The following MED13L variants were observed in gnomAD, a reference collection of about 807,000 sequenced individuals.
MED13L encodes mediator complex subunit 13L, also known as mediator of RNA polymerase II transcription subunit 13-like.
In MED13L, 7 loss-of-function variants were observed where a neutral mutation model predicts 220.9. The observed-to-expected ratio is 0.03, with a 90% CI of 0.02 to 0.06. MED13L has a LOEUF of 0.06. Among genes scored for constraint, MED13L ranks in the 10% least tolerant of loss-of-function variants. The probability of loss-of-function intolerance (pLI) is 1.00; values close to 1 mark genes in which losing one functional copy is unlikely to be tolerated. For missense variants in MED13L, 1,965 were observed against 2,760.5 expected (o/e 0.71, Z 6.46); for synonymous variants, 1,011 against 1,015.2 (o/e 1.00, Z 0.08).
At chr12:116,089,815 T>C (rs954271515) in intron 4 of MED13L, among the ~76,000 whole-genome samples, 2 of 152,162 alleles carry the variant, frequency 1.3e-5, no homozygotes, top group Non-Finnish European at 2.9e-5. Context: ...GTTACTGAGA[T>C]GCCATGAAAA....
At chr12:115,994,824 C>T (rs986499149) in intron 16 of MED13L, among the ~76,000 whole-genome samples, 8 of 152,278 alleles carry the variant, frequency 5.3e-5, no homozygotes, top group Non-Finnish European at 8.8e-5. Flanking sequence ...ACCAGCCAGG[C>T]GCTCAGGGTG....
chr12:116,121,382 GAA>G (rs1178225605), intron 2 of MED13L, among the ~76,000 whole-genome samples: 1 of 152,030 alleles, frequency 6.6e-6, no homozygotes, highest in Non-Finnish European at 1.5e-5. Flanking sequence ...GGTTCAGGGA[GAA>G]AAAAAGTCAA....
intron 17 of MED13L, among the ~76,000 whole-genome samples, chr12:115,987,587 GA>G (rs1877783044): frequency 6.6e-6 from 1 of 152,104 alleles, no homozygotes; most frequent in Admixed American, 6.5e-5. Context: ...TAAAACCATG[GA>G]AATCTGTTTC....
chr12:116,007,092 C>T (rs981079440), intron 11 of MED13L: 129 of 366,026 alleles, frequency 3.5e-4, no homozygotes, highest in Admixed American at 2.3e-4. Flanking sequence ...TTGGGTAGTT[C>T]GGAATAATAT....
intron 17 of MED13L, among the ~76,000 whole-genome samples, chr12:115,988,540 T>C (rs1190841978): frequency 6.6e-6 from 1 of 152,228 alleles, no homozygotes; most frequent in Non-Finnish European, 1.5e-5. Flanking sequence ...CTTGTATTAA[T>C]GGCTCTATCA....
intron 4 of MED13L, among the ~76,000 whole-genome samples, chr12:116,063,348 TA>T (rs1245237913): frequency 2.6e-5 from 4 of 151,830 alleles, no homozygotes; most frequent in Admixed American, 1.3e-4. Flanking sequence ...TCCTTTCCAC[TA>T]AAAATAAAAA....
intron 4 of MED13L, among the ~76,000 whole-genome samples, chr12:116,084,389 C>A (rs149410997): frequency 9.9e-4 from 150 of 152,250 alleles, no homozygotes; most frequent in Non-Finnish European, 1.9e-3. Context: ...TGGAGGGCTG[C>A]AGGTAAAGTT....
chr12:116,276,994 G>T, intron 1 of MED13L, 66 bp downstream of exon 1: 2 of 1,499,182 alleles, frequency 1.3e-6, no homozygotes, highest in Non-Finnish European at 1.8e-6. Flanking sequence ...AAGTTGGTCG[G>T]CGGCGGAGGT....
Position 115,984,352 on chromosome 12 carries a change from G to C in MED13L, c.4359C>G (p.His1453Gln), listed in dbSNP as rs1877540598. The C allele has an allele frequency of 1.2e-6, 2 of 1,614,034 alleles. No homozygotes were observed. Among genetic ancestry groups the C allele is most frequent in the Non-Finnish European group, 1.7e-6 (2 of 1,179,982 alleles). The change falls in exon 20 of 31, where the codon CAC (histidine) becomes CAG (glutamine). Residue 1453 changes from histidine to glutamine, a missense_variant. His to Gln is a conservative substitution (Grantham distance 24). This residue lies in a region of MED13L where 510 missense variants were observed against 620.4 expected (regional missense o/e 0.82). Coordinates refer to ENST00000281928, the MANE Select transcript of MED13L (RefSeq NM_015335.5). ...AVYEMCRLGQHKPICKVLRDG... is the reference protein window; with the variant it reads ...AVYEMCRLGQQKPICKVLRDG... ...CACGTAGCACTTTGCAGATGGGCTT[G>C]TGCTGCCCAAGCCTACACATCTGAT...
intron 1 of MED13L, among the ~76,000 whole-genome samples, chr12:116,250,025 TAA>T (rs71095516): frequency 7.2e-4 from 29 of 40,464 alleles, no homozygotes; most frequent in African/African-American, 2.1e-3. Flanking sequence ...CAGCATAAAC[TAA>T]AAAAAAAAAA....
At position 116,105,256 on chromosome 12, in the gene MED13L, A is replaced by G. The variant is rs117484070; in HGVS notation, c.395+6172T>C. 8.2e-3 allele frequency among the ~76,000 whole-genome samples: 1,251 copies of G among 152,348 alleles called. 11 individuals are homozygous for G. The highest frequency in any genetic ancestry group is 0.013 in the Non-Finnish European group (897 of 68,022). Reference sequence around the variant, plus strand: ...AAGTTAATCATAAATACCTAACAAAATTTCCCTAAATTGAGGACTGATAAA... The same window carrying G: ...AAGTTAATCATAAATACCTAACAAAGTTTCCCTAAATTGAGGACTGATAAA... On this transcript the variant is annotated intron_variant, in intron 3 of 30. Transcript: ENST00000281928.
chr12:116,002,633 A>G (rs1878817780), intron 14 of MED13L, among the ~76,000 whole-genome samples: 1 of 152,236 alleles, frequency 6.6e-6, no homozygotes, highest in African/African-American at 2.4e-5. Flanking sequence ...ATATTTATAA[A>G]AACAGAAACA....
Position 116,012,892 on chromosome 12 carries a change from T to C in MED13L, c.1185A>G (p.Gln395=). ...CTTCTTCAAGAGTTGGAGTTGACAT[T>C]TGGCTCCTCCTAAAAGGGTTAAAAA... The part of the protein sequence containing the change: ...ILNRTQSKRS[Q]MSTPTLEEEP... Residue 395 remains glutamine (Q), a synonymous_variant, in exon 9 of 31, where the codon CAA becomes CAG. Transcript: ENST00000281928. 1 of 1,613,200 alleles carries C rather than the reference T, an allele frequency of 6.2e-7. No homozygotes were observed. The highest frequency in any genetic ancestry group is 8.5e-7 in the Non-Finnish European group (1 of 1,179,222).
At chr12:116,148,757 T>C (rs1877787373) in intron 2 of MED13L, 1 of 161,802 alleles carries the variant, frequency 6.2e-6, no homozygotes, top group Admixed American at 6.5e-5. Context: ...AAGGAGGCTT[T>C]GCTTTAAGAA....
intron 4 of MED13L, among the ~76,000 whole-genome samples, chr12:116,076,135 G>A (rs1040149916): frequency 2.0e-5 from 3 of 151,984 alleles, no homozygotes; most frequent in Admixed American, 6.6e-5. Context: ...GGATGGTCTC[G>A]ATCTCCTGAC....
chr12:116,198,840 G>A (rs1320952833), intron 2 of MED13L, among the ~76,000 whole-genome samples: 3 of 152,172 alleles, frequency 2.0e-5, no homozygotes, highest in Admixed American at 2.0e-4. Flanking sequence ...AGGAGAAATA[G>A]TAAAATGAAT....
intron 1 of MED13L, among the ~76,000 whole-genome samples, chr12:116,262,498 C>T (rs1157778666): frequency 6.6e-6 from 1 of 152,162 alleles, no homozygotes; most frequent in African/African-American, 2.4e-5. Flanking sequence ...ATCACACCTA[C>T]CATATGAGAA....
chr12:116,110,973 G>T (rs555021015), intron 3 of MED13L, among the ~76,000 whole-genome samples: 7 of 152,290 alleles, frequency 4.6e-5, no homozygotes, highest in African/African-American at 1.7e-4. Context: ...TTAATCTTAG[G>T]AGGTTAAGCT....
chr12:116,097,508 T>C (rs1045261526), intron 3 of MED13L, among the ~76,000 whole-genome samples: 8 of 152,314 alleles, frequency 5.3e-5, no homozygotes, highest in African/African-American at 1.9e-4. Context: ...GCTTTGCATG[T>C]GATAGGCAAT....
Sources: allele counts gnomAD v4.1 joint callset (sites outside exome capture counted in the v4.1 genomes callset), GRCh38; gene constraint gnomAD v4.1.1; regional missense constraint gnomAD v4.1.1; transcripts MANE v1.5; gene names NCBI Gene and HGNC (gene_info 2026-07-23, HGNC 2026-07-21).